SLC5A4: variants seen among roughly 807,000 people sequenced by gnomAD.
SLC5A4 encodes the protein probable glucose sensor protein SLC5A4.
Under a neutral mutation model 70.3 loss-of-function variants are expected in SLC5A4, and 55 were observed. The ratio of observed to expected loss-of-function variants is 0.78; its 90% CI spans 0.63 to 0.98. The LOEUF is 0.98. SLC5A4 is among the 50% of genes least tolerant of loss of function. SLC5A4 has a pLI of 0.00. For missense variants in SLC5A4, 735 were observed against 839.2 expected (o/e 0.88, Z 1.53); for synonymous variants, 268 against 305.7 (o/e 0.88, Z 1.29).
chr22:32,330,454 GGTGT>G, the SLC5A4 span, among the ~76,000 whole-genome samples: 778 of 84,570 alleles, frequency 9.2e-3, 28 homozygotes, highest in African/African-American at 0.03. Context: ...GAGGCTCTGG[GGTGT>G]GTGTGTGTGT....
At chr22:32,257,726 C>A (rs575822293), upstream of SLC5A4, among the ~76,000 whole-genome samples, 24 of 148,200 alleles carry the variant, frequency 1.6e-4, no homozygotes, top group Admixed American at 3.4e-4. Flanking sequence ...AGTGCAATGG[C>A]ACAATCTTGG....
At chr22:32,288,685 T>C in the SLC5A4 span, among the ~76,000 whole-genome samples, 1 of 152,112 alleles carries the variant, frequency 6.6e-6, no homozygotes. Flanking sequence ...TAGCTGGGAT[T>C]ACAGGCATGC....
chr22:32,325,301 C>T, the SLC5A4 span, among the ~76,000 whole-genome samples: 2 of 152,244 alleles, frequency 1.3e-5, no homozygotes, highest in African/African-American at 4.8e-5. Context: ...GACCCCAAAA[C>T]AAGAGCAGCA....
At chr22:32,330,606 CTGT>C in the SLC5A4 span, among the ~76,000 whole-genome samples, 1 of 86,762 alleles carries the variant, frequency 1.2e-5, no homozygotes, top group Non-Finnish European at 2.1e-5. Flanking sequence ...GTGTAGGAAA[CTGT>C]TGTGTCAGGA....
At chr22:32,265,945 T>C in the SLC5A4 span, among the ~76,000 whole-genome samples, 2 of 152,164 alleles carry the variant, frequency 1.3e-5, no homozygotes, top group African/African-American at 2.4e-5. Flanking sequence ...CAAATAAGAA[T>C]AGTAACAGAT....
the SLC5A4 span, among the ~76,000 whole-genome samples, chr22:32,350,750 A>C: frequency 3.3e-4 from 50 of 152,322 alleles, no homozygotes; most frequent in African/African-American, 1.0e-3. Context: ...ATTTTTACAC[A>C]TATCAACAGT....
Position 32,248,734 on chromosome 22 carries a change from G to A in SLC5A4, c.372+9C>T, listed in dbSNP as rs760967510. ...ACTGAACTCTGGCATTTTGGTAACA[G>A]ATACTCACCCCCGACTTGATGTAGA... On this transcript the variant is annotated intron_variant, in intron 4 of 14. Coordinates refer to ENST00000266086, the MANE Select transcript of SLC5A4 (RefSeq NM_014227.3). The A allele has an allele frequency of 6.3e-7, 1 of 1,599,822 alleles. No homozygotes were observed. The highest frequency in any genetic ancestry group is 2.2e-5 in the East Asian group (1 of 44,818).
chr22:32,323,566 T>C, the SLC5A4 span, among the ~76,000 whole-genome samples: 3 of 152,186 alleles, frequency 2.0e-5, no homozygotes, highest in Non-Finnish European at 2.9e-5. Flanking sequence ...TTGGAGACCC[T>C]GTCTGCAGGC....
At chr22:32,329,077 CAG>C in the SLC5A4 span, among the ~76,000 whole-genome samples, 2 of 152,264 alleles carry the variant, frequency 1.3e-5, no homozygotes, top group African/African-American at 4.8e-5. Flanking sequence ...TGGGTTCCGC[CAG>C]AGTGAGCTGG....
At chr22:32,302,105 A>G in the SLC5A4 span, among the ~76,000 whole-genome samples, 5 of 152,354 alleles carry the variant, frequency 3.3e-5, no homozygotes, top group Admixed American at 6.5e-5. Flanking sequence ...AACCAAAGGC[A>G]CAAGCAACAA....
At chr22:32,290,698 A>AGG in the SLC5A4 span, among the ~76,000 whole-genome samples, 1 of 151,778 alleles carries the variant, frequency 6.6e-6, no homozygotes. Context: ...TGGGGTGTGC[A>AGG]GAAGACTCGC....
At chr22:32,273,283 A>G in the SLC5A4 span, 1 of 289,748 alleles carries the variant, frequency 3.5e-6, no homozygotes, top group Non-Finnish European at 6.8e-6. Flanking sequence ...TTACCCTGAG[A>G]AGATAATCCA....
In SLC5A4 at chr22:32,239,068, A is replaced by G; in HGVS notation, c.500T>C (p.Ile167Thr). Residue 167 changes from isoleucine to threonine, a missense_variant, in exon 6 of 15, where the codon ATA (isoleucine) becomes ACA (threonine). Ile to Thr is a moderately conservative substitution (Grantham distance 89). Coordinates refer to ENST00000266086, the MANE Select transcript of SLC5A4 (RefSeq NM_014227.3). The part of the protein sequence containing the change: ...LISADIFAGA[I>T]FIKLALGLDL... ...CAATCCCAAGGCCAGCTTGATGAAT[A>G]TGGCTCCAGCAAATATGTCTGCCTA... 1.9e-6 allele frequency: 3 copies of G among 1,613,882 alleles called. No homozygotes were observed. Among genetic ancestry groups the G allele is most frequent in the Non-Finnish European group, 2.5e-6 (3 of 1,179,784 alleles).
chr22:32,335,269 C>T, the SLC5A4 span, among the ~76,000 whole-genome samples: 4 of 150,740 alleles, frequency 2.7e-5, no homozygotes, highest in African/African-American at 7.5e-5. Context: ...GCCAGCTCAC[C>T]GGGAAGCAGA....
At chr22:32,333,283 G>A in the SLC5A4 span, among the ~76,000 whole-genome samples, 62 of 151,872 alleles carry the variant, frequency 4.1e-4, 2 homozygotes, top group Admixed American at 6.6e-5. Context: ...TGCTGGAAGT[G>A]GGCAGCAGGC....
upstream of SLC5A4, among the ~76,000 whole-genome samples, chr22:32,257,441 A>G (rs5998341): frequency 0.08 from 12,177 of 151,954 alleles, 790 homozygotes; most frequent in African/African-American, 0.18. Flanking sequence ...TGCAGCCTCA[A>G]CCTCCTGGGC....
intron 5 of SLC5A4, among the ~76,000 whole-genome samples, chr22:32,244,892 C>A (rs988653018): frequency 1.3e-5 from 2 of 152,102 alleles, no homozygotes; most frequent in East Asian, 3.9e-4. Context: ...CCATTTTAAC[C>A]ATTTAAGTAT....
the SLC5A4 span, among the ~76,000 whole-genome samples, chr22:32,282,183 T>C: frequency 6.6e-6 from 1 of 152,154 alleles, no homozygotes; most frequent in South Asian, 2.1e-4. Flanking sequence ...CAAAGCTCTT[T>C]GTAGGAGCGA....
intron 4 of SLC5A4, 22 bp downstream of exon 4, chr22:32,248,721 C>T: frequency 6.4e-7 from 1 of 1,558,770 alleles, no homozygotes; most frequent in Non-Finnish European, 8.9e-7. Context: ...TGAACTCTGG[C>T]ATTTTGGTAA....
Sources: gnomAD v4.1 joint callset for allele counts (sites outside exome capture counted in the v4.1 genomes callset) on GRCh38, gnomAD v4.1.1 for gene constraint, MANE v1.5 for transcripts, NCBI Gene and HGNC (gene_info 2026-07-23, HGNC 2026-07-21) for gene names.